The following WWOX variants were observed in gnomAD, a reference collection of about 807,000 sequenced individuals.
The protein encoded by WWOX is WW domain containing oxidoreductase, also known as WW domain-containing oxidoreductase.
In WWOX, 69 loss-of-function variants were observed where a neutral mutation model predicts 46.2. That is an observed-to-expected ratio of 1.49 (90% CI 1.23 to 1.82). The LOEUF is 1.82. Ranked by LOEUF, WWOX falls within the 40% of genes most tolerant of loss-of-function variation. The pLI, the probability that WWOX is intolerant of heterozygous loss-of-function variation, is 0.00. For synonymous variants in WWOX, 359 were observed against 202.6 expected (o/e 1.77, Z -6.56); for missense variants, 919 against 542.6 (o/e 1.69, Z -6.89).
At chr16:78,924,991 T>A (rs1479725040) in intron 8 of WWOX, among the ~76,000 whole-genome samples, 1 of 152,134 alleles carries the variant, frequency 6.6e-6, no homozygotes, top group Non-Finnish European at 1.5e-5. Flanking sequence ...GCTCAGGCGT[T>A]CAAGACCAGC....
At chr16:78,810,413 T>C (rs1370243091) in intron 8 of WWOX, among the ~76,000 whole-genome samples, 1 of 152,212 alleles carries the variant, frequency 6.6e-6, no homozygotes, top group African/African-American at 2.4e-5. Context: ...TGACAGCGTA[T>C]TGGCAGTTCA....
intron 5 of WWOX, among the ~76,000 whole-genome samples, chr16:78,332,691 T>G (rs573168147): frequency 3.9e-4 from 59 of 152,292 alleles, no homozygotes; most frequent in African/African-American, 1.4e-3. Flanking sequence ...TTGCCCAAAT[T>G]AGTGCCTTTA....
At chr16:78,760,114 A>C (rs1433138273) in intron 8 of WWOX, among the ~76,000 whole-genome samples, 3 of 152,194 alleles carry the variant, frequency 2.0e-5, no homozygotes, top group African/African-American at 7.2e-5. Context: ...TCACAGTTCC[A>C]TGTGGCTAGG....
chr16:78,978,709 C>A (rs951175677), intron 8 of WWOX, among the ~76,000 whole-genome samples: 1 of 152,178 alleles, frequency 6.6e-6, no homozygotes, highest in African/African-American at 2.4e-5. Context: ...CAGAGAGCGA[C>A]TGGGGAGGCG....
At chr16:78,427,236 A>G (rs372758996) in intron 7 of WWOX, among the ~76,000 whole-genome samples, 2 of 152,170 alleles carry the variant, frequency 1.3e-5, no homozygotes, top group South Asian at 4.1e-4. Flanking sequence ...AGAAAGTCCT[A>G]TGTTTGCAGA....
intron 8 of WWOX, among the ~76,000 whole-genome samples, chr16:78,595,752 A>C (rs12598188): frequency 0.049 from 7,469 of 152,298 alleles, 256 homozygotes; most frequent in South Asian, 0.17. Context: ...ACTCAAGATA[A>C]TTAGCATAGC....
chr16:78,606,444 G>C (rs749740558), intron 8 of WWOX, among the ~76,000 whole-genome samples: 1 of 151,492 alleles, frequency 6.6e-6, no homozygotes, highest in East Asian at 1.9e-4. Context: ...TGATGACCAA[G>C]AGAAGAAAGA....
intron 8 of WWOX, among the ~76,000 whole-genome samples, chr16:78,903,389 C>G (rs1305538181): frequency 6.6e-6 from 1 of 152,204 alleles, no homozygotes; most frequent in African/African-American, 2.4e-5. Flanking sequence ...AAGACTCCGC[C>G]TCCAGTCAGT....
intron 8 of WWOX, among the ~76,000 whole-genome samples, chr16:78,923,913 C>G (rs1477123902): frequency 2.7e-5 from 4 of 150,340 alleles, no homozygotes; most frequent in Non-Finnish European, 5.9e-5. Flanking sequence ...CATTCTCCTG[C>G]CTCAGCCTCC....
At chr16:78,611,183 C>A (rs982638470) in intron 8 of WWOX, among the ~76,000 whole-genome samples, 4 of 152,016 alleles carry the variant, frequency 2.6e-5, no homozygotes, top group African/African-American at 9.7e-5. Flanking sequence ...GAAATTTTGC[C>A]CTTGGACAAG....
intron 8 of WWOX, among the ~76,000 whole-genome samples, chr16:78,900,136 A>C (rs1161131718): frequency 1.4e-5 from 2 of 140,414 alleles, no homozygotes; most frequent in Admixed American, 1.5e-4. Context: ...CTGTTTTTTT[A>C]AATGAAGGAG....
rs377107965 is a variant in WWOX at position 78,781,215 on chromosome 16, A to G, written c.1056+348463A>G. Among the ~76,000 whole-genome samples, 138 of 152,286 alleles carry G rather than the reference A, an allele frequency of 9.1e-4. 1 individual carries two copies. The highest frequency in any genetic ancestry group is 2.7e-3 in the African/African-American group (114 of 41,576). ...TGACCCCTGGCTTGTTCCAAAGCCT[A>G]TGTGGGTGGGAATTCTTTAATGTCT... On this transcript the variant is annotated intron_variant, in intron 8 of 8. Coordinates refer to ENST00000566780, the MANE Select transcript of WWOX (RefSeq NM_016373.4).
intron 5 of WWOX, among the ~76,000 whole-genome samples, chr16:78,319,864 A>C (rs1264945270): frequency 1.3e-5 from 2 of 151,948 alleles, no homozygotes; most frequent in Admixed American, 1.3e-4. Context: ...GCATCACCTC[A>C]CGCGTCTTTT....
chr16:78,253,051 C>T (rs965521165), intron 5 of WWOX, among the ~76,000 whole-genome samples: 1 of 152,112 alleles, frequency 6.6e-6, no homozygotes, highest in African/African-American at 2.4e-5. Context: ...CTGTTTAGAT[C>T]GGAACAATTG....
At chr16:78,256,369 C>T (rs2038132706) in intron 5 of WWOX, among the ~76,000 whole-genome samples, 1 of 151,900 alleles carries the variant, frequency 6.6e-6, no homozygotes, top group Non-Finnish European at 1.5e-5. Flanking sequence ...CTTCACTTCT[C>T]ACTGTAATCT....
At chr16:79,177,401 A>G (rs1400682302) in intron 8 of WWOX, among the ~76,000 whole-genome samples, 2 of 151,962 alleles carry the variant, frequency 1.3e-5, no homozygotes, top group African/African-American at 2.4e-5. Context: ...GGGTTTGGAT[A>G]TGCATTTATC....
At chr16:78,321,989 C>T (rs566281925) in intron 5 of WWOX, among the ~76,000 whole-genome samples, 214 of 152,268 alleles carry the variant, frequency 1.4e-3, no homozygotes, top group African/African-American at 5.0e-3. Flanking sequence ...GTGGATGGAA[C>T]GCAAATTCAA....
intron 8 of WWOX, among the ~76,000 whole-genome samples, chr16:78,579,457 G>A (rs2044992168): frequency 1.3e-5 from 2 of 152,124 alleles, no homozygotes; most frequent in Non-Finnish European, 2.9e-5. Context: ...GAGGGGAGGA[G>A]CGTGAGTTCC....
chr16:78,901,531 A>C (rs972983186), intron 8 of WWOX, among the ~76,000 whole-genome samples: 2 of 152,152 alleles, frequency 1.3e-5, no homozygotes, highest in Non-Finnish European at 2.9e-5. Context: ...TCTGTTGCCC[A>C]GGCTCGAGTA....
Sources: allele counts gnomAD v4.1 joint callset (sites outside exome capture counted in the v4.1 genomes callset), GRCh38; gene constraint gnomAD v4.1.1; transcripts MANE v1.5; gene names NCBI Gene and HGNC (gene_info 2026-07-23, HGNC 2026-07-21).